The following TBCK variants were observed in gnomAD, a reference collection of about 807,000 sequenced individuals.
The protein encoded by TBCK is TBC domain-containing protein kinase-like protein.
TBCK carries 99 observed loss-of-function variants against 113.4 expected under a neutral mutation model. The observed-to-expected ratio is 0.87, with a 90% CI of 0.74 to 1.03. The LOEUF is 1.03. TBCK is among the 50% of genes least tolerant of loss of function. TBCK has a pLI of 0.00. For synonymous variants in TBCK, 369 were observed against 370.8 expected (o/e 1.00, Z 0.05); for missense variants, 1,045 against 1,061.3 (o/e 0.98, Z 0.21).
At chr4:106,218,592 T>A in intron 19 of TBCK, among the ~76,000 whole-genome samples, 1 of 65,214 alleles carries the variant, frequency 1.5e-5, no homozygotes, top group Non-Finnish European at 3.2e-5. Context: ...AAGAAGACAT[T>A]TATGCAGCCA....
chr4:106,270,477 T>C (rs959212067), intron 3 of TBCK, among the ~76,000 whole-genome samples: 2 of 152,216 alleles, frequency 1.3e-5, no homozygotes, highest in African/African-American at 4.8e-5. Context: ...ATTTGGGATG[T>C]TGGAAGACTG....
chr4:106,047,807 G>A (rs1734379328), intron 25 of TBCK, among the ~76,000 whole-genome samples: 1 of 151,954 alleles, frequency 6.6e-6, no homozygotes, highest in Admixed American at 6.6e-5. Context: ...GTTTTTCTTT[G>A]GCCCTTTGCC....
At position 106,158,020 on chromosome 4, in the gene TBCK, T is replaced by C. The variant is rs558910390; in HGVS notation, c.2235+13075A>G. Among the ~76,000 whole-genome samples, 7 of 152,282 alleles carry C rather than the reference T, an allele frequency of 4.6e-5. No individual in the cohort carries two copies. In the East Asian group the frequency reaches 9.7e-4, roughly 21 times the overall value. On this transcript the variant is annotated intron_variant, in intron 23 of 25. Transcript: ENST00000394708. ...ATACCTAAAACTGAACGAAATCTAATTTCTGTGCTACAGCATAGAAAAATT... is the reference window on the plus strand; with the variant it reads ...ATACCTAAAACTGAACGAAATCTAACTTCTGTGCTACAGCATAGAAAAATT...
chr4:106,111,706 T>A (rs1214392089), intron 24 of TBCK, among the ~76,000 whole-genome samples: 1 of 152,248 alleles, frequency 6.6e-6, no homozygotes, highest in African/African-American at 2.4e-5. Flanking sequence ...TTAAGAGGTT[T>A]AATCATAGAA....
At chr4:106,122,412 C>T (rs528760540) in intron 23 of TBCK, among the ~76,000 whole-genome samples, 1 of 152,236 alleles carries the variant, frequency 6.6e-6, no homozygotes, top group South Asian at 2.1e-4. Flanking sequence ...GAGTCCAGGA[C>T]CAGATGGATT....
chr4:106,303,403 G>C (rs564696887), intron 2 of TBCK, among the ~76,000 whole-genome samples: 12 of 151,942 alleles, frequency 7.9e-5, no homozygotes, highest in African/African-American at 2.9e-4. Flanking sequence ...TCATTATTCA[G>C]CAAACACATG....
intron 23 of TBCK, among the ~76,000 whole-genome samples, chr4:106,118,585 T>C (rs1743851943): frequency 6.6e-6 from 1 of 152,214 alleles, no homozygotes; most frequent in Non-Finnish European, 1.5e-5. Flanking sequence ...ACAGGTATTT[T>C]TTCCAGCCTT....
At chr4:106,118,710 G>C (rs1348382789) in intron 23 of TBCK, among the ~76,000 whole-genome samples, 1 of 152,230 alleles carries the variant, frequency 6.6e-6, no homozygotes, top group East Asian at 1.9e-4. Flanking sequence ...TCACCTGAGT[G>C]AAAAGAGTGC....
chr4:106,290,901 T>G (rs1765643322), intron 3 of TBCK, among the ~76,000 whole-genome samples: 1 of 152,186 alleles, frequency 6.6e-6, no homozygotes, highest in Non-Finnish European at 1.5e-5. Context: ...CTTATAAGAA[T>G]CTAACGCCTG....
chr4:106,075,160 G>A (rs73836967), intron 25 of TBCK, among the ~76,000 whole-genome samples: 1,580 of 152,228 alleles, frequency 0.01, 29 homozygotes, highest in African/African-American at 0.034. Flanking sequence ...AAAAACAATA[G>A]GCCTACAGAT....
At chr4:106,210,934 G>T (rs965555612) in intron 20 of TBCK, among the ~76,000 whole-genome samples, 8 of 152,036 alleles carry the variant, frequency 5.3e-5, no homozygotes, top group Admixed American at 2.6e-4. Context: ...ATATGTCTAA[G>T]GATTTTTATT....
chr4:106,071,125 C>T (rs1356841820), intron 25 of TBCK, among the ~76,000 whole-genome samples: 1 of 152,076 alleles, frequency 6.6e-6, no homozygotes, highest in Non-Finnish European at 1.5e-5. Context: ...TTAATTATTT[C>T]TTGCCTTCTG....
chr4:106,244,836 AG>A, intron 10 of TBCK, 72 bp from the exon 11 acceptor site: 7 of 880,558 alleles, frequency 7.9e-6, no homozygotes, highest in Non-Finnish European at 1.2e-5. Context: ...AGGCAGTAAT[AG>A]CTGCCATTCT....
chr4:106,138,169 G>A (rs148595134), intron 23 of TBCK, among the ~76,000 whole-genome samples: 1 of 141,096 alleles, frequency 7.1e-6, no homozygotes, highest in Non-Finnish European at 1.6e-5. Context: ...TAGTTGATCT[G>A]TAATGCCAGT....
chr4:106,079,103 G>A (rs930776099), intron 25 of TBCK, among the ~76,000 whole-genome samples: 4 of 151,934 alleles, frequency 2.6e-5, no homozygotes, highest in African/African-American at 7.3e-5. Flanking sequence ...TGTAGAAAAG[G>A]TCTTCAATAA....
chr4:106,146,215 TATACATATACATGTA>T (rs1747783207), intron 23 of TBCK, among the ~76,000 whole-genome samples: 1 of 151,950 alleles, frequency 6.6e-6, no homozygotes, highest in Non-Finnish European at 1.5e-5. Context: ...TACATATACA[TATACATATACATGTA>T]ATACATATAC....
At chr4:106,228,577 A>AT (rs1365123984) in intron 19 of TBCK, among the ~76,000 whole-genome samples, 1 of 151,708 alleles carries the variant, frequency 6.6e-6, no homozygotes, top group Non-Finnish European at 1.5e-5. Context: ...ACGGGATCCC[A>AT]TTTTTTCTTA....
chr4:106,123,749 G>A (rs1744767143), intron 23 of TBCK, among the ~76,000 whole-genome samples: 1 of 151,718 alleles, frequency 6.6e-6, no homozygotes, highest in African/African-American at 2.4e-5. Flanking sequence ...AAGCAATGGG[G>A]AAAGGATTCC....
At position 106,273,256 on chromosome 4, in the gene TBCK, T is replaced by C. The variant is rs1299943308; in HGVS notation, c.267-11044A>G. Among the ~76,000 whole-genome samples, 3 of 152,220 alleles carry C rather than the reference T, an allele frequency of 2.0e-5. No homozygotes were observed. The East Asian group carries it at 5.8e-4, about 29-fold the overall frequency. ...TGATATTAACTGGGATATCTAAATC[T>C]TAGACATAATAAATTTTTATACAAA... On this transcript the variant is annotated intron_variant, in intron 3 of 25. Transcript: ENST00000394708.
Sources: gnomAD v4.1 joint callset for allele counts (sites outside exome capture counted in the v4.1 genomes callset) on GRCh38, gnomAD v4.1.1 for gene constraint, MANE v1.5 for transcripts, NCBI Gene and HGNC (gene_info 2026-07-23, HGNC 2026-07-21) for gene names.